The following ALOX5 variants were observed in gnomAD, a reference collection of about 807,000 sequenced individuals.
ALOX5 encodes arachidonate 5-lipoxygenase.
In ALOX5, 64 loss-of-function variants were observed where a neutral mutation model predicts 87.9. That is an observed-to-expected ratio of 0.73 (90% CI 0.60 to 0.90). ALOX5 has a LOEUF of 0.90. Among genes scored for constraint, ALOX5 ranks in the 40% least tolerant of loss-of-function variants. The pLI, the probability that ALOX5 is intolerant of heterozygous loss-of-function variation, is 0.00. For synonymous variants in ALOX5, 388 were observed against 355.1 expected (o/e 1.09, Z -1.04); for missense variants, 822 against 907.5 (o/e 0.91, Z 1.21).
At chr10:45,445,009 T>C (rs985697627) in intron 13 of ALOX5, among the ~76,000 whole-genome samples, 2 of 152,246 alleles carry the variant, frequency 1.3e-5, no homozygotes, top group Admixed American at 6.5e-5. Context: ...TAAAATGATA[T>C]CTAGCTCTGC....
Position 45,425,813 on chromosome 10 carries a change from C to T in ALOX5, c.834+681C>T, listed in dbSNP as rs1391691432. On this transcript the variant is annotated intron_variant, in intron 6 of 13. Coordinates refer to ENST00000374391, the MANE Select transcript of ALOX5 (RefSeq NM_000698.5). This position sits in a 1 kb window ranked among gnomAD's most constrained non-coding sequence, Gnocchi z 4.4. ...GGGGCCTCCTGCCACCCAGGCCCTG[C>T]TGCCTATCCCCAGGTGTCCAGGTGG... Among the ~76,000 whole-genome samples the T allele has an allele frequency of 2.0e-5, 3 of 152,246 alleles. No homozygotes were observed. The highest frequency in any genetic ancestry group is 4.8e-5 in the African/African-American group (2 of 41,468).
Position 45,374,222 on chromosome 10 carries a change from G to C in ALOX5, c.-58G>C, listed in dbSNP as rs1183795389. On this transcript the variant is annotated 5_prime_UTR_variant, in exon 1 of 14. Coordinates refer to ENST00000374391, the MANE Select transcript of ALOX5 (RefSeq NM_000698.5). ...GGGAGGAGGCTGCGGCGCTAGATGC[G>C]GACACCTGGACCGCCGCGCCGAGGC... 1.4e-6 allele frequency: 2 copies of C among 1,410,418 alleles called. No individual in the cohort carries two copies. The highest frequency in any genetic ancestry group is 1.8e-6 in the Non-Finnish European group (2 of 1,083,790). 87.4% of individuals were successfully genotyped at this position (1,410,418 alleles called of 1,614,324 possible). A position where few individuals can be genotyped will look rare whatever the true frequency, so the allele number is the denominator to read the frequency against.
Position 45,384,537 on chromosome 10 carries a change from C to T in ALOX5, c.349+1856C>T, listed in dbSNP as rs143846038. ...CTGTCATGTGTCTGGCACCTCTAGG[C>T]TCCTTGGCCTCTCTGTCCATATGGA... On this transcript the variant is annotated intron_variant, in intron 2 of 13. Coordinates refer to ENST00000374391, the MANE Select transcript of ALOX5 (RefSeq NM_000698.5). Among the ~76,000 whole-genome samples the T allele has an allele frequency of 1.2e-3, 187 of 152,312 alleles. 1 individual carries two copies. The highest frequency in any genetic ancestry group is 4.1e-3 in the African/African-American group (171 of 41,568).
chr10:45,397,433 G>C (rs1180408831), intron 3 of ALOX5, among the ~76,000 whole-genome samples: 1 of 152,028 alleles, frequency 6.6e-6, no homozygotes, highest in African/African-American at 2.4e-5. Flanking sequence ...ATGATGAAAG[G>C]CTGAATCCAG....
chr10:45,391,826 CCCATCTGAGAAGTGAGGAGCCCCT>C (rs1264917879), intron 2 of ALOX5, among the ~76,000 whole-genome samples: 3 of 151,306 alleles, frequency 2.0e-5, no homozygotes, highest in African/African-American at 4.9e-5. Context: ...CGGCAGCCGC[CCCATCTGAGAAGTGAGGAGCCCCT>C]CCATCTGAGA....
intron 7 of ALOX5, among the ~76,000 whole-genome samples, chr10:45,435,612 A>C (rs2082111): frequency 0.15 from 23,317 of 152,116 alleles, 1,908 homozygotes; most frequent in Non-Finnish European, 0.18. Flanking sequence ...ACACGATTTC[A>C]TTCTTTTTTA....
intron 7 of ALOX5, among the ~76,000 whole-genome samples, chr10:45,431,922 G>T (rs1841915587): frequency 6.6e-6 from 1 of 151,994 alleles, no homozygotes; most frequent in African/African-American, 2.4e-5. Context: ...ACAGTGATTT[G>T]ATATTGGGGA....
At chr10:45,442,694 G>C (rs1263009937) in intron 9 of ALOX5, 3 of 299,934 alleles carry the variant, frequency 1.0e-5, no homozygotes, top group Admixed American at 9.6e-5. Flanking sequence ...CTCAGCACTA[G>C]AGCAGACTTC....
chr10:45,418,871 A>C (rs944694844), intron 4 of ALOX5, among the ~76,000 whole-genome samples: 7 of 152,268 alleles, frequency 4.6e-5, no homozygotes, highest in Non-Finnish European at 1.0e-4. Context: ...TGTCCTCATT[A>C]AAGGAAATTG....
chr10:45,427,789 C>A (rs1841774918), intron 6 of ALOX5, among the ~76,000 whole-genome samples: 1 of 152,198 alleles, frequency 6.6e-6, no homozygotes, highest in Non-Finnish European at 1.5e-5. Context: ...GGACCCACTG[C>A]GCGGCTCGCA....
intron 4 of ALOX5, among the ~76,000 whole-genome samples, chr10:45,419,208 T>C (rs1841411718): frequency 6.6e-6 from 1 of 152,074 alleles, no homozygotes; most frequent in South Asian, 2.1e-4. Context: ...GCCTTTGCGG[T>C]CAGGTGAAGG....
intron 2 of ALOX5, among the ~76,000 whole-genome samples, chr10:45,391,106 C>T (rs1215121014): frequency 2.0e-4 from 29 of 143,742 alleles, no homozygotes; most frequent in East Asian, 4.2e-4. Flanking sequence ...CACGGTCTCC[C>T]TCTCCCTCTC....
chr10:45,442,542 A>G (rs2132858497), intron 9 of ALOX5: 1 of 155,268 alleles, frequency 6.4e-6, no homozygotes, highest in African/African-American at 2.4e-5. Context: ...TGCATCACTC[A>G]GAAGCCGGGA....
intron 2 of ALOX5, among the ~76,000 whole-genome samples, chr10:45,387,366 G>C (rs1043053796): frequency 1.3e-5 from 2 of 152,192 alleles, no homozygotes; most frequent in African/African-American, 4.8e-5. Context: ...AGAGCTGTGA[G>C]AACTGCTGCT....
chr10:45,442,038 CTGTT>C (rs375420951), intron 9 of ALOX5, among the ~76,000 whole-genome samples: 16 of 152,334 alleles, frequency 1.1e-4, no homozygotes, highest in African/African-American at 3.1e-4. Flanking sequence ...AGTTGAGACA[CTGTT>C]TGGGCTGCAA....
At position 45,446,091 on chromosome 10, in the gene ALOX5, CATAAAA is replaced by C. The variant is rs1402964657; in HGVS notation, c.*410_*415del. 5.5e-6 allele frequency: 1 copy of C among 180,520 alleles called. No individual in the cohort carries two copies. Among genetic ancestry groups the C allele is most frequent in the Non-Finnish European group, 1.1e-5 (1 of 87,648 alleles). The allele number at this position is 180,520 out of a possible 1,614,324, so 11.2% of individuals were successfully genotyped here. ...ATTGAATGAATTAAGAATTGGTTGC[CATAAAA>C]ATAAATCAGTTCATTTAAAATGGGT... On this transcript the variant is annotated 3_prime_UTR_variant, in exon 14 of 14. Coordinates refer to ENST00000374391, the MANE Select transcript of ALOX5 (RefSeq NM_000698.5).
chr10:45,442,892 A>T, intron 9 of ALOX5, 146 bp from the exon 10 acceptor site: 4 of 827,944 alleles, frequency 4.8e-6, no homozygotes, highest in Non-Finnish European at 7.3e-6. Flanking sequence ...TCTCTGCGTT[A>T]AACATCCCTC....
rs563076553 is a variant in ALOX5 at position 45,435,148 on chromosome 10, G to T, written c.982-5282G>T. 5.3e-5 allele frequency among the ~76,000 whole-genome samples: 8 copies of T among 152,302 alleles called. No homozygotes were observed. In the South Asian group the frequency reaches 1.7e-3, roughly 32 times the overall value. On this transcript the variant is annotated intron_variant, in intron 7 of 13. Transcript: ENST00000374391. Reference sequence around the variant, plus strand: ...GTACAAGAGCTCAAGGAGATGGGCAGGTGAGGCCCGGTCAGGCCGGGAGGT... The same window carrying T: ...GTACAAGAGCTCAAGGAGATGGGCATGTGAGGCCCGGTCAGGCCGGGAGGT...
chr10:45,391,407 C>G (rs1229870513), intron 2 of ALOX5, among the ~76,000 whole-genome samples: 1 of 152,214 alleles, frequency 6.6e-6, no homozygotes, highest in Non-Finnish European at 1.5e-5. Flanking sequence ...CAATGGTGCC[C>G]AGGCTGGGGT....
Sources: allele counts gnomAD v4.1 joint callset (sites outside exome capture counted in the v4.1 genomes callset), GRCh38; gene constraint gnomAD v4.1.1; non-coding constraint Gnocchi (gnomAD v3.1); transcripts MANE v1.5; gene names NCBI Gene and HGNC (gene_info 2026-07-23, HGNC 2026-07-21).